Variants in SGCZ observed in about 807,000 individuals in gnomAD.
SGCZ encodes the protein sarcoglycan zeta, also known as zeta-sarcoglycan.
SGCZ carries 40 observed loss-of-function variants against 41.3 expected under a neutral mutation model. The ratio of observed to expected loss-of-function variants is 0.97; its 90% CI spans 0.75 to 1.26. SGCZ has a LOEUF of 1.26. Ranked by LOEUF, SGCZ falls within the 50% of genes most tolerant of loss-of-function variation. The probability of loss-of-function intolerance (pLI) is 0.00; values close to 1 mark genes in which losing one functional copy is unlikely to be tolerated. For synonymous variants in SGCZ, 206 were observed against 137.5 expected (o/e 1.50, Z -3.49); for missense variants, 552 against 369.8 (o/e 1.49, Z -4.04).
intron 2 of SGCZ, 42 bp downstream of exon 2, chr8:14,554,690 T>C: frequency 6.5e-7 from 1 of 1,539,678 alleles, no homozygotes. Flanking sequence ...AGATTGTCTC[T>C]GAACCAAGAG....
chr8:14,829,971 C>G (rs1401028190), intron 1 of SGCZ, among the ~76,000 whole-genome samples: 1 of 152,062 alleles, frequency 6.6e-6, no homozygotes, highest in Non-Finnish European at 1.5e-5. Flanking sequence ...GCACCACGCC[C>G]GGCTAATTTT....
At chr8:14,858,151 G>A (rs142095681) in intron 1 of SGCZ, among the ~76,000 whole-genome samples, 1,646 of 151,854 alleles carry the variant, frequency 0.011, 24 homozygotes, top group African/African-American at 0.038. Context: ...CAACCCTTAC[G>A]TTCTTAAAAT....
intron 3 of SGCZ, among the ~76,000 whole-genome samples, chr8:14,238,269 C>T (rs1450492157): frequency 6.6e-6 from 1 of 152,132 alleles, no homozygotes; most frequent in Non-Finnish European, 1.5e-5. Flanking sequence ...GGGACAGGAA[C>T]CATGACAGCT....
chr8:14,998,116 T>C (rs1237483190), intron 1 of SGCZ, among the ~76,000 whole-genome samples: 1 of 152,166 alleles, frequency 6.6e-6, no homozygotes, highest in African/African-American at 2.4e-5. Context: ...TTTTCAAATG[T>C]ATAATAGAAA....
chr8:14,310,976 A>G (rs1563250080), intron 3 of SGCZ, among the ~76,000 whole-genome samples: 1 of 152,140 alleles, frequency 6.6e-6, no homozygotes, highest in South Asian at 2.1e-4. Context: ...ACTTAAGGGT[A>G]TGCTTTTCTG....
At chr8:15,214,894 A>C (rs1801349221) in intron 1 of SGCZ, among the ~76,000 whole-genome samples, 1 of 152,172 alleles carries the variant, frequency 6.6e-6, no homozygotes, top group Admixed American at 6.5e-5. Flanking sequence ...GTGTTCTTTC[A>C]CTTAGACAGA....
intron 2 of SGCZ, among the ~76,000 whole-genome samples, chr8:14,482,959 G>A (rs59260373): frequency 6.6e-6 from 1 of 151,958 alleles, no homozygotes; most frequent in Admixed American, 6.6e-5. Context: ...CCGTAAACAC[G>A]TGAGCCAATT....
chr8:14,188,532 C>T (rs1010172794), intron 4 of SGCZ, among the ~76,000 whole-genome samples: 25 of 151,974 alleles, frequency 1.6e-4, no homozygotes, highest in African/African-American at 6.0e-4. Context: ...TAGTAATTGC[C>T]TAGAGGGGTG....
intron 2 of SGCZ, among the ~76,000 whole-genome samples, chr8:14,509,650 C>T (rs542095711): frequency 2.0e-5 from 3 of 152,230 alleles, no homozygotes; most frequent in South Asian, 4.1e-4. Flanking sequence ...GGCCTTTTCA[C>T]TCCCACAGAA....
chr8:14,208,835 C>A (rs768286543), intron 4 of SGCZ, among the ~76,000 whole-genome samples: 1 of 152,126 alleles, frequency 6.6e-6, no homozygotes, highest in Non-Finnish European at 1.5e-5. Flanking sequence ...ACTTATGCTA[C>A]AGGAGTTAAG....
intron 1 of SGCZ, among the ~76,000 whole-genome samples, chr8:14,766,676 C>G (rs532934599): frequency 6.6e-6 from 1 of 151,662 alleles, no homozygotes; most frequent in African/African-American, 2.4e-5. Context: ...ATTCTTTCAC[C>G]GCAGCCTCCC....
chr8:14,672,359 G>A (rs1383796065), intron 1 of SGCZ, among the ~76,000 whole-genome samples: 19 of 152,324 alleles, frequency 1.2e-4, no homozygotes, highest in African/African-American at 4.6e-4. Context: ...TGATTGGTCA[G>A]ATGTGCGATT....
chr8:14,484,055 T>C (rs998390340), intron 2 of SGCZ, among the ~76,000 whole-genome samples: 2 of 152,150 alleles, frequency 1.3e-5, no homozygotes, highest in Admixed American at 6.5e-5. Context: ...GCCACTTTAT[T>C]AGACATCACA....
chr8:14,202,327 C>T lies in SGCZ; in HGVS notation c.424+35265G>A, dbSNP rs1470580408. Among the ~76,000 whole-genome samples, 6 of 152,252 alleles carry T rather than the reference C, an allele frequency of 3.9e-5. No homozygotes were observed. The East Asian group carries it at 7.7e-4, about 20-fold the overall frequency. The stretch of plus-strand genomic sequence containing the variant: ...ACAATTCTTAGAGTGGAACACAGTC[C>T]TGCTGACATCTTGATTTTAGCCCAG... On this transcript the variant is annotated intron_variant, in intron 4 of 7. Coordinates refer to ENST00000382080, the MANE Select transcript of SGCZ (RefSeq NM_139167.4).
intron 3 of SGCZ, among the ~76,000 whole-genome samples, chr8:14,254,475 A>G (rs1220490258): frequency 6.6e-6 from 1 of 152,216 alleles, no homozygotes; most frequent in Non-Finnish European, 1.5e-5. Flanking sequence ...GTCAGATGTT[A>G]TCTTAGGTCA....
intron 2 of SGCZ, among the ~76,000 whole-genome samples, chr8:14,548,291 T>C (rs531558167): frequency 7.2e-5 from 11 of 152,186 alleles, no homozygotes; most frequent in Admixed American, 3.9e-4. Flanking sequence ...TTGGAGATGG[T>C]TTTAGCAGCC....
At chr8:14,714,984 G>T (rs1208831909) in intron 1 of SGCZ, among the ~76,000 whole-genome samples, 1 of 152,090 alleles carries the variant, frequency 6.6e-6, no homozygotes, top group Non-Finnish European at 1.5e-5. Context: ...TTCAAATGCA[G>T]TGGTTTAGCC....
chr8:14,544,177 T>C (rs1238903426), intron 2 of SGCZ, among the ~76,000 whole-genome samples: 2 of 152,114 alleles, frequency 1.3e-5, no homozygotes, highest in African/African-American at 2.4e-5. Flanking sequence ...AATATGGACA[T>C]TTATCAGTTC....
chr8:14,563,220 T>G (rs925879436), intron 1 of SGCZ, among the ~76,000 whole-genome samples: 1 of 152,198 alleles, frequency 6.6e-6, no homozygotes, highest in Non-Finnish European at 1.5e-5. Context: ...TTAGGATACC[T>G]GCAAGTAAAA....
Sources: gnomAD v4.1 joint callset for allele counts (sites outside exome capture counted in the v4.1 genomes callset) on GRCh38, gnomAD v4.1.1 for gene constraint, MANE v1.5 for transcripts, NCBI Gene and HGNC (gene_info 2026-07-23, HGNC 2026-07-21) for gene names.